ITGA8: variants seen among roughly 807,000 people sequenced by gnomAD.
ITGA8 encodes the protein integrin subunit alpha 8.
A neutral mutation model predicts 142.3 loss-of-function variants in ITGA8; 91 were observed. The ratio of observed to expected loss-of-function variants is 0.64; its 90% confidence interval spans 0.54 to 0.76. The LOEUF (loss-of-function observed/expected upper bound fraction) is 0.76. Among genes scored for constraint, ITGA8 ranks in the 30% least tolerant of loss-of-function variants. The pLI is 0.00. For synonymous variants in ITGA8, 505 were observed against 485.2 expected (o/e 1.04, Z -0.54); for missense variants, 1,406 against 1,327.7 (o/e 1.06, Z -0.92).
At chr10:15,612,197 C>T (rs941766868) in intron 15 of ITGA8, among the ~76,000 whole-genome samples, 8 of 152,248 alleles carry the variant, frequency 5.3e-5, no homozygotes, top group African/African-American at 1.7e-4. Flanking sequence ...GATGCTCTCC[C>T]GCCACACTCC....
chr10:15,653,398 A>T (rs938849194), intron 11 of ITGA8, among the ~76,000 whole-genome samples: 6 of 152,202 alleles, frequency 3.9e-5, no homozygotes, highest in African/African-American at 1.4e-4. Context: ...ATTTGAGCAG[A>T]AAGTACAGAG....
At chr10:15,590,426 G>A (rs983362081) in intron 22 of ITGA8, among the ~76,000 whole-genome samples, 3 of 152,164 alleles carry the variant, frequency 2.0e-5, no homozygotes, top group Admixed American at 6.5e-5. Context: ...AACCAAGAGC[G>A]AGGAGGAAAT....
chr10:15,524,356 G>T (rs966323800), intron 28 of ITGA8, among the ~76,000 whole-genome samples: 2 of 152,186 alleles, frequency 1.3e-5, no homozygotes, highest in Non-Finnish European at 2.9e-5. Context: ...ACTCTTACTG[G>T]AAAGAGTTAG....
intron 5 of ITGA8, 63 bp from the exon 6 acceptor site, chr10:15,677,700 G>C: frequency 6.6e-7 from 1 of 1,504,850 alleles, no homozygotes; most frequent in Non-Finnish European, 9.2e-7. Flanking sequence ...ATTTTTAAAG[G>C]GTGATAAATT....
chr10:15,606,569 T>C, intron 17 of ITGA8, 147 bp from the exon 18 acceptor site: 1 of 706,830 alleles, frequency 1.4e-6, no homozygotes, highest in East Asian at 2.7e-5. Context: ...TGGAGGCTGA[T>C]TTATGTGGTA....
rs140856478 is a variant in ITGA8 at position 15,625,624 on chromosome 10, G to T, written c.1400-9065C>A. On this transcript the variant is annotated intron_variant, in intron 13 of 29. Transcript: ENST00000378076. ...AACTCCTATTGATAAAAACCTAATG[G>T]GACTTGATGATTTCGCTAAGTGTTT... 1.3e-3 allele frequency among the ~76,000 whole-genome samples: 191 copies of T among 152,202 alleles called. 1 individual carries two copies. The highest frequency in any genetic ancestry group is 4.5e-3 in the African/African-American group (185 of 41,536).
intron 23 of ITGA8, among the ~76,000 whole-genome samples, chr10:15,580,126 TAA>T (rs35286236): frequency 0.31 from 33,561 of 109,356 alleles, 5,148 homozygotes; most frequent in Middle Eastern, 0.4. Flanking sequence ...TCAGAAAATG[TAA>T]AAAAAAAAAA....
chr10:15,588,459 ATG>A (rs889548339), intron 22 of ITGA8, among the ~76,000 whole-genome samples: 13 of 152,020 alleles, frequency 8.6e-5, no homozygotes, highest in Non-Finnish European at 1.5e-4. Context: ...AACTAAACAA[ATG>A]TGTGTGTGTG....
rs148999209 is a variant in ITGA8, at chr10:15,693,845, T to C, written c.344-5807A>G. On this transcript the variant is annotated intron_variant, in intron 2 of 29. Coordinates refer to ENST00000378076, the MANE Select transcript of ITGA8 (RefSeq NM_003638.3). ...TGGGAAGTCATAAACAGAAATCTTGTAGCAATACAGCTGAAGGTCCATAGG... is the reference window on the plus strand; with the variant it reads ...TGGGAAGTCATAAACAGAAATCTTGCAGCAATACAGCTGAAGGTCCATAGG... Among the ~76,000 whole-genome samples the C allele has an allele frequency of 2.6e-5, 4 of 152,226 alleles. No individual in the cohort carries two copies. In the East Asian group the frequency reaches 7.7e-4, roughly 29 times the overall value.
intron 26 of ITGA8, among the ~76,000 whole-genome samples, chr10:15,554,865 C>T (rs1812158317): frequency 6.6e-6 from 1 of 151,710 alleles, no homozygotes; most frequent in African/African-American, 2.4e-5. Flanking sequence ...GAAGGAAAAG[C>T]AAAAACCTTT....
chr10:15,585,160 A>T (rs1256989758), intron 23 of ITGA8, among the ~76,000 whole-genome samples: 3 of 152,228 alleles, frequency 2.0e-5, no homozygotes, highest in Non-Finnish European at 4.4e-5. Context: ...AATGGAAAAA[A>T]ATTAGAAACA....
At chr10:15,606,146 G>C (rs1176568492) in intron 18 of ITGA8, 139 bp downstream of exon 18, 2 of 716,288 alleles carry the variant, frequency 2.8e-6, no homozygotes, top group Non-Finnish European at 4.6e-6. Context: ...CAGGAAACAT[G>C]GTAGGAAAAC....
intron 25 of ITGA8, among the ~76,000 whole-genome samples, chr10:15,569,142 G>A (rs1436279412): frequency 6.6e-6 from 1 of 152,192 alleles, no homozygotes; most frequent in Non-Finnish European, 1.5e-5. Context: ...ACTACAAAGT[G>A]TATCTGAACA....
intron 13 of ITGA8, among the ~76,000 whole-genome samples, chr10:15,623,486 G>T (rs914254949): frequency 1.3e-5 from 2 of 152,156 alleles, no homozygotes; most frequent in Admixed American, 6.5e-5. Flanking sequence ...AGGAGTTCAA[G>T]ACCTGCCTGA....
At chr10:15,677,735 A>T (rs1834658559) in intron 5 of ITGA8, 98 bp from the exon 6 acceptor site, 2 of 1,183,428 alleles carry the variant, frequency 1.7e-6, no homozygotes, top group Admixed American at 4.4e-5. Context: ...TTGCTCTAAC[A>T]ATTTGTTACA....
chr10:15,693,052 G>C (rs1172257407), intron 2 of ITGA8, among the ~76,000 whole-genome samples: 1 of 152,138 alleles, frequency 6.6e-6, no homozygotes, highest in East Asian at 1.9e-4. Context: ...GGGCAACAAA[G>C]TAAGACTCTG....
At chr10:15,548,032 T>A (rs1157785530) in intron 27 of ITGA8, among the ~76,000 whole-genome samples, 1 of 151,246 alleles carries the variant, frequency 6.6e-6, no homozygotes, top group East Asian at 1.9e-4. Context: ...AGTAATTTTT[T>A]AAATTTGAAA....
At chr10:15,661,549 A>T (rs1834287666) in intron 8 of ITGA8, among the ~76,000 whole-genome samples, 2 of 152,194 alleles carry the variant, frequency 1.3e-5, no homozygotes, top group Non-Finnish European at 2.9e-5. Context: ...CTTCATTACG[A>T]GTCTCTCTGT....
At chr10:15,711,217 G>A (rs1337776818) in intron 2 of ITGA8, among the ~76,000 whole-genome samples, 1 of 152,066 alleles carries the variant, frequency 6.6e-6, no homozygotes, top group South Asian at 2.1e-4. Flanking sequence ...AAACACATTC[G>A]GAACATATGA....
Sources: gnomAD v4.1 joint callset for allele counts (sites outside exome capture counted in the v4.1 genomes callset) on GRCh38, gnomAD v4.1.1 for gene constraint, MANE v1.5 for transcripts, NCBI Gene and HGNC (gene_info 2026-07-23, HGNC 2026-07-21) for gene names.